The following ADCY8 variants were observed in gnomAD, a reference collection of about 807,000 sequenced individuals.
ADCY8 encodes the protein adenylate cyclase type 8.
ADCY8 carries 51 observed loss-of-function variants against 119.7 expected under a neutral mutation model. The ratio of observed to expected loss-of-function variants is 0.43; its 90% CI spans 0.34 to 0.54. ADCY8 has a LOEUF of 0.54. Among genes scored for constraint, ADCY8 ranks in the 20% least tolerant of loss-of-function variants. The pLI is 0.03. For missense variants in ADCY8, 1,383 were observed against 1,598.8 expected, an observed-to-expected ratio of 0.87 and a Z score of 2.30; for synonymous variants, 665 against 651.0, an observed-to-expected ratio of 1.02 and a Z score of -0.33.
chr8:130,822,677 A>T (rs1304872430), intron 12 of ADCY8, among the ~76,000 whole-genome samples: 1 of 152,032 alleles, frequency 6.6e-6, no homozygotes, highest in Admixed American at 6.6e-5. Flanking sequence ...CTTTCATGTC[A>T]CTCAATTCTC....
intron 5 of ADCY8, among the ~76,000 whole-genome samples, chr8:130,911,577 T>G (rs73346468): frequency 0.12 from 16,704 of 142,502 alleles, 956 homozygotes; most frequent in Non-Finnish European, 0.13. Context: ...AGCAGAAAAG[T>G]CTAAATTAAA....
chr8:131,006,273 T>A lies in ADCY8; in HGVS notation c.961-15731A>T, dbSNP rs569544102. ...TTACTGCCATCCATTGATGTATTCC[T>A]GTAGTTGACACACAGCAGTCATTCA... On this transcript the variant is annotated intron_variant, in intron 1 of 17. Transcript: ENST00000286355. Among the ~76,000 whole-genome samples, 3 of 152,322 alleles carry A rather than the reference T, an allele frequency of 2.0e-5. No individual in the cohort carries two copies. In the East Asian group the frequency reaches 5.8e-4, roughly 29 times the overall value.
At chr8:130,854,148 T>A (rs1817631455) in intron 9 of ADCY8, among the ~76,000 whole-genome samples, 1 of 152,232 alleles carries the variant, frequency 6.6e-6, no homozygotes, top group Non-Finnish European at 1.5e-5. Flanking sequence ...ATTTATTTCT[T>A]TACATGTAAA....
At chr8:130,884,330 GTCT>G (rs909583986) in intron 8 of ADCY8, among the ~76,000 whole-genome samples, 1 of 152,124 alleles carries the variant, frequency 6.6e-6, no homozygotes, top group African/African-American at 2.4e-5. Context: ...TGTTCTTTGA[GTCT>G]TCTTTTCCTT....
chr8:130,876,731 G>T (rs1020680941), intron 8 of ADCY8, among the ~76,000 whole-genome samples: 1 of 151,998 alleles, frequency 6.6e-6, no homozygotes. Flanking sequence ...AGGGGGGAAT[G>T]AATAGAGGAT....
chr8:130,854,235 C>T (rs1042254502), intron 9 of ADCY8, among the ~76,000 whole-genome samples: 1 of 152,162 alleles, frequency 6.6e-6, no homozygotes. Flanking sequence ...TTTGCTTTTG[C>T]ATTGTTGGTG....
intron 15 of ADCY8, among the ~76,000 whole-genome samples, chr8:130,788,198 G>T (rs576352436): frequency 2.0e-5 from 3 of 152,292 alleles, no homozygotes; most frequent in East Asian, 3.9e-4. Flanking sequence ...TTGGCATATT[G>T]ATTTCATTTC....
At chr8:131,006,107 G>C (rs993890385) in intron 1 of ADCY8, among the ~76,000 whole-genome samples, 2 of 151,908 alleles carry the variant, frequency 1.3e-5, no homozygotes, top group African/African-American at 4.8e-5. Context: ...CAATGCACAA[G>C]AAGCAGCTTC....
At chr8:130,827,708 C>G (rs1440779759) in intron 12 of ADCY8, among the ~76,000 whole-genome samples, 2 of 152,164 alleles carry the variant, frequency 1.3e-5, no homozygotes, top group African/African-American at 4.8e-5. Flanking sequence ...GGTGTCTACC[C>G]CAGACAATGT....
At chr8:130,971,975 A>G (rs543269095) in intron 2 of ADCY8, among the ~76,000 whole-genome samples, 1 of 152,342 alleles carries the variant, frequency 6.6e-6, no homozygotes, top group African/African-American at 2.4e-5. Context: ...ATTTACATAG[A>G]GAATAATGTA....
intron 4 of ADCY8, among the ~76,000 whole-genome samples, chr8:130,941,296 C>T (rs1347151220): frequency 6.6e-6 from 1 of 152,142 alleles, no homozygotes; most frequent in African/African-American, 2.4e-5. Flanking sequence ...ATGTGATTTT[C>T]CCTTGCCAGA....
At chr8:130,873,264 G>A (rs564580473) in intron 8 of ADCY8, among the ~76,000 whole-genome samples, 5 of 152,090 alleles carry the variant, frequency 3.3e-5, no homozygotes, top group South Asian at 4.2e-4. Flanking sequence ...AGATGTAGAA[G>A]ATGCTTATAA....
At chr8:130,921,774 T>A (rs891148893) in intron 5 of ADCY8, among the ~76,000 whole-genome samples, 1 of 152,168 alleles carries the variant, frequency 6.6e-6, no homozygotes, top group Non-Finnish European at 1.5e-5. Context: ...TTCTATTTTT[T>A]ACATATGCCA....
At chr8:130,919,793 A>G (rs1371485901) in intron 5 of ADCY8, among the ~76,000 whole-genome samples, 1 of 152,112 alleles carries the variant, frequency 6.6e-6, no homozygotes, top group African/African-American at 2.4e-5. Context: ...GAGGGACACC[A>G]CAGCCCAGCC....
intron 1 of ADCY8, among the ~76,000 whole-genome samples, chr8:131,031,472 T>G (rs986680512): frequency 2.0e-5 from 3 of 152,184 alleles, no homozygotes; most frequent in African/African-American, 7.2e-5. Context: ...TATTCTTCCT[T>G]GTTTTGTTTT....
chr8:130,885,546 C>G (rs983482112), intron 7 of ADCY8, among the ~76,000 whole-genome samples: 2 of 151,936 alleles, frequency 1.3e-5, no homozygotes, highest in Admixed American at 1.3e-4. Context: ...CCAGGTTTGG[C>G]AAGGAGACCT....
chr8:130,943,998 T>C (rs1821035194), intron 3 of ADCY8, among the ~76,000 whole-genome samples: 1 of 152,158 alleles, frequency 6.6e-6, no homozygotes, highest in Non-Finnish European at 1.5e-5. Context: ...GGCAGAATAA[T>C]TAATTTCCCA....
chr8:130,910,868 A>G (rs1819960101), intron 5 of ADCY8, among the ~76,000 whole-genome samples: 1 of 152,230 alleles, frequency 6.6e-6, no homozygotes, highest in Non-Finnish European at 1.5e-5. Context: ...TTATGATTAA[A>G]TGATGTCATT....
At chr8:130,895,495 A>G (rs1255973744) in intron 7 of ADCY8, among the ~76,000 whole-genome samples, 1 of 152,154 alleles carries the variant, frequency 6.6e-6, no homozygotes, top group African/African-American at 2.4e-5. Flanking sequence ...AATGGATCCA[A>G]TTGCCTACTT....
Sources: gnomAD v4.1 joint callset for allele counts (sites outside exome capture counted in the v4.1 genomes callset) on GRCh38, gnomAD v4.1.1 for gene constraint, MANE v1.5 for transcripts, NCBI Gene and HGNC (gene_info 2026-07-23, HGNC 2026-07-21) for gene names.